The following USH2A variants were observed in gnomAD, a reference collection of about 807,000 sequenced individuals.
USH2A encodes the protein usherin.
Under a neutral mutation model 538.9 loss-of-function variants are expected in USH2A, and 443 were observed. The ratio of observed to expected loss-of-function variants is 0.82; its 90% CI spans 0.76 to 0.89. The LOEUF (loss-of-function observed/expected upper bound fraction) is 0.89. USH2A is among the 40% of genes least tolerant of loss of function. The pLI, the probability that USH2A is intolerant of heterozygous loss-of-function variation, is 0.00. For synonymous variants in USH2A, 2,413 were observed against 2,273.5 expected (o/e 1.06, Z -1.75); for missense variants, 6,633 against 6,324.8 (o/e 1.05, Z -1.65).
chr1:216,214,419 G>A (rs1175137139), intron 15 of USH2A, among the ~76,000 whole-genome samples: 2 of 151,962 alleles, frequency 1.3e-5, no homozygotes, highest in Non-Finnish European at 2.9e-5. Flanking sequence ...TTAAGATGAA[G>A]CTAGATACAA....
At chr1:216,189,978 G>T (rs2034682702) in intron 20 of USH2A, among the ~76,000 whole-genome samples, 1 of 151,872 alleles carries the variant, frequency 6.6e-6, no homozygotes, top group South Asian at 2.1e-4. Context: ...TCTAGTTGTA[G>T]AGTGGAGTCA....
chr1:215,839,321 G>C (rs1192374310), intron 46 of USH2A, among the ~76,000 whole-genome samples: 1 of 152,102 alleles, frequency 6.6e-6, no homozygotes, highest in African/African-American at 2.4e-5. Flanking sequence ...CAATTCAACT[G>C]AATTTATTAT....
Position 216,175,352 on chromosome 1 carries a change from T to C in USH2A, c.4527A>G (p.Leu1509=), listed in dbSNP as rs1257580491. ...IYQLERRESS[L]PALMTTMMKG... is the part of the protein sequence containing the mutation. ...TCATCATCGTGGTCATCAGAGCTGG[T>C]AGAGATGACTCTCTCCTTTCCAGCT... The change falls in exon 21 of 72, where the codon CTA becomes CTG. Residue 1509 remains leucine (L), a synonymous_variant. Transcript: ENST00000307340. 6.2e-7 allele frequency: 1 copy of C among 1,613,852 alleles called. No homozygotes were observed. Among genetic ancestry groups the C allele is most frequent in the Admixed American group, 1.7e-5 (1 of 59,990 alleles).
chr1:216,114,190 T>C (rs2032945878), intron 21 of USH2A, among the ~76,000 whole-genome samples: 1 of 151,870 alleles, frequency 6.6e-6, no homozygotes, highest in Non-Finnish European at 1.5e-5. Context: ...ATTGCTGAAT[T>C]ATGGAAAAAA....
At chr1:216,135,920 T>C (rs966990646) in intron 21 of USH2A, among the ~76,000 whole-genome samples, 2 of 152,158 alleles carry the variant, frequency 1.3e-5, no homozygotes, top group African/African-American at 4.8e-5. Flanking sequence ...CCATTAACGG[T>C]TAGCTTTAGT....
At chr1:216,295,011 T>C (rs2102614795) in intron 9 of USH2A, among the ~76,000 whole-genome samples, 1 of 151,978 alleles carries the variant, frequency 6.6e-6, no homozygotes, top group African/African-American at 2.4e-5. Context: ...CCTACTTTAT[T>C]GGCCAGAATT....
rs945508152 is a variant in USH2A, at chr1:215,888,677, T to C, written c.7972A>G (p.Thr2658Ala). The change falls in exon 41 of 72, where the codon ACA (threonine) becomes GCA (alanine). Residue 2658 changes from threonine to alanine, a missense_variant. By Grantham distance (58) the Thr-to-Ala change is moderately conservative (BLOSUM62 0). Coordinates refer to ENST00000307340, the MANE Select transcript of USH2A (RefSeq NM_206933.4). ...THPNGLVENF[T>A]IERRVKGKEE... ...TTTCCTTTGACTCTTCTCTCAATTGTGAAATTCTCCACCAAGCCATTGGGG... is the reference window on the plus strand; with the variant it reads ...TTTCCTTTGACTCTTCTCTCAATTGCGAAATTCTCCACCAAGCCATTGGGG... 6.2e-7 allele frequency: 1 copy of C among 1,614,146 alleles called. No individual in the cohort carries two copies. The highest frequency in any genetic ancestry group is 2.2e-5 in the East Asian group (1 of 44,872).
chr1:215,784,560 A>G (rs932208781), intron 52 of USH2A, among the ~76,000 whole-genome samples: 1 of 152,178 alleles, frequency 6.6e-6, no homozygotes, highest in African/African-American at 2.4e-5. Context: ...AGTTATTAGT[A>G]GGTATTTAAT....
intron 42 of USH2A, among the ~76,000 whole-genome samples, chr1:215,878,248 T>A (rs937647085): frequency 2.0e-5 from 3 of 152,204 alleles, no homozygotes; most frequent in African/African-American, 7.2e-5. Flanking sequence ...TTATAAACGA[T>A]GATAATATTA....
chr1:216,220,890 A>T (rs2035445621), intron 14 of USH2A, among the ~76,000 whole-genome samples: 1 of 152,196 alleles, frequency 6.6e-6, no homozygotes, highest in African/African-American at 2.4e-5. Flanking sequence ...ACATCATTCA[A>T]CATAAAGAAC....
At chr1:215,629,475 T>C (rs765870136) in intron 70 of USH2A, among the ~76,000 whole-genome samples, 27 of 152,152 alleles carry the variant, frequency 1.8e-4, no homozygotes, top group Non-Finnish European at 2.5e-4. Flanking sequence ...AAGATAACAA[T>C]ATTATTTCAT....
At chr1:215,634,427 A>G (rs776271791) in intron 70 of USH2A, 32 bp downstream of exon 70, 4 of 1,614,102 alleles carry the variant, frequency 2.5e-6, no homozygotes, top group Non-Finnish European at 2.5e-6. Context: ...GTCCAGTGAT[A>G]GGGAAATGGG....
In USH2A at chr1:216,084,860, A is replaced by G; in HGVS notation, c.5005T>C (p.Phe1669Leu). Residue 1669 changes from phenylalanine (F) to leucine (L), a missense_variant, in exon 25 of 72, where the codon TTT becomes CTT. Transcript: ENST00000307340. ...TGTACATCCTTGAGACAGCCCACAA[A>G]ACCTTTTTGGATTATCTCTGCAGGA... ...RKDPEIIQKG[F>L]VGCLKDVHFM... 6.2e-7 allele frequency: 1 copy of G among 1,613,322 alleles called. No individual in the cohort carries two copies. Among genetic ancestry groups the G allele is most frequent in the Non-Finnish European group, 8.5e-7 (1 of 1,179,514 alleles).
intron 58 of USH2A, among the ~76,000 whole-genome samples, chr1:215,752,561 T>C (rs1461001500): frequency 2.0e-5 from 3 of 152,196 alleles, no homozygotes; most frequent in African/African-American, 7.2e-5. Context: ...AATCTGGTTT[T>C]AAGTCACGTC....
At chr1:216,228,684 C>A (rs1480958045) in intron 14 of USH2A, among the ~76,000 whole-genome samples, 2 of 152,104 alleles carry the variant, frequency 1.3e-5, no homozygotes, top group Non-Finnish European at 2.9e-5. Context: ...AAACTTCTTT[C>A]TTTTGTAAAT....
At chr1:215,830,573 C>T (rs1663283593) in intron 47 of USH2A, among the ~76,000 whole-genome samples, 2 of 152,014 alleles carry the variant, frequency 1.3e-5, no homozygotes, top group Non-Finnish European at 2.9e-5. Flanking sequence ...GCCAAAAATC[C>T]AGGGAAGGAA....
rs374096293 is a variant in USH2A at position 215,647,713 on chromosome 1, T to C, written c.14600A>G (p.His4867Arg). The C allele has an allele frequency of 3.7e-6, 6 of 1,614,076 alleles. No homozygotes were observed. The highest frequency in any genetic ancestry group is 4.2e-6 in the Non-Finnish European group (5 of 1,180,040). The change falls in exon 67 of 72, where the codon CAC becomes CGC. Residue 4867 changes from histidine to arginine, a missense_variant. Transcript: ENST00000307340. ...GVIHSYELQF[H>R]VACPPDSALP... ...GGCTGAGTCAGGAGGGCAAGCCACG[T>C]GGAATTGGAGTTCATAGCTAAAATG...
chr1:216,060,789 G>A (rs896493797), intron 30 of USH2A, among the ~76,000 whole-genome samples: 3 of 152,264 alleles, frequency 2.0e-5, no homozygotes, highest in South Asian at 4.1e-4. Context: ...GTATATGTGC[G>A]AAGTCTTGAA....
At chr1:215,836,501 ATATATTATATATATATAATATATATT>A (rs1558119987) in intron 47 of USH2A, among the ~76,000 whole-genome samples, 4 of 18,818 alleles carry the variant, frequency 2.1e-4, no homozygotes, top group Non-Finnish European at 3.5e-4. Context: ...TATATATAAT[ATATATTATATATATATAATATATATT>A]ATATATATAT....
Sources: gnomAD v4.1 joint callset for allele counts (sites outside exome capture counted in the v4.1 genomes callset) on GRCh38, gnomAD v4.1.1 for gene constraint, MANE v1.5 for transcripts, NCBI Gene and HGNC (gene_info 2026-07-23, HGNC 2026-07-21) for gene names.